Variants in ANKRD12 observed in about 807,000 individuals in gnomAD.
The protein encoded by ANKRD12 is ankyrin repeat domain 12.
Under a neutral mutation model 183.4 loss-of-function variants are expected in ANKRD12, and 85 were observed. That is an observed-to-expected ratio of 0.46 (90% CI 0.39 to 0.56). The LOEUF (loss-of-function observed/expected upper bound fraction) is 0.56, where lower values mean the gene tolerates loss of function less well. ANKRD12 is among the 20% of genes least tolerant of loss of function. The pLI is 0.00. For synonymous variants in ANKRD12, 914 were observed against 800.2 expected, an observed-to-expected ratio of 1.14 and a Z score of -2.40; for missense variants, 2,405 against 2,357.1, an observed-to-expected ratio of 1.02 and a Z score of -0.42.
In ANKRD12 at chr18:9,182,297, CAGAG is replaced by C. The variant is rs1319089757; in HGVS notation, c.-51-81_-51-78del. ...GAGAAAATAAGGTATCTTATGAAAACAGAGAGAAAACAAATTGGACTAATTGTGG... is the reference window on the plus strand; with the variant it reads ...GAGAAAATAAGGTATCTTATGAAAACAGAAAACAAATTGGACTAATTGTGG... On this transcript the variant is annotated intron_variant, in intron 1 of 12. Transcript: ENST00000262126. 58 of 382,072 alleles carry C rather than the reference CAGAG, an allele frequency of 1.5e-4. No individual in the cohort carries two copies. The East Asian group carries it at 1.7e-3, about 11-fold the overall frequency. 23.7% of individuals were successfully genotyped at this position (382,072 alleles called of 1,614,324 possible).
intron 1 of ANKRD12, among the ~76,000 whole-genome samples, chr18:9,177,632 T>C (rs183626044): frequency 3.4e-4 from 52 of 152,224 alleles, no homozygotes; most frequent in Admixed American, 1.2e-3. Context: ...ATATGACCTA[T>C]TGTTGTTAAT....
At chr18:9,228,950 A>T (rs916812618) in intron 8 of ANKRD12, among the ~76,000 whole-genome samples, 2 of 151,424 alleles carry the variant, frequency 1.3e-5, no homozygotes, top group African/African-American at 2.4e-5. Context: ...TGAGTCTCAC[A>T]TTTAAGTCTT....
At chr18:9,148,778 C>T (rs1393443666) in intron 1 of ANKRD12, among the ~76,000 whole-genome samples, 1 of 152,152 alleles carries the variant, frequency 6.6e-6, no homozygotes, top group Non-Finnish European at 1.5e-5. Flanking sequence ...TCCAGAGTTT[C>T]ACCAAGGGCA....
In ANKRD12 at chr18:9,221,833, C is replaced by G. The variant is rs1315880023; in HGVS notation, c.796-19C>G. On this transcript the variant is annotated intron_variant, in intron 7 of 12. Transcript: ENST00000262126. ...CAATCTGTGAAGGGACTAAGTCTTC[C>G]TGCTTTTTATTGTTGCAGATAGTAA... is the stretch of plus-strand genomic sequence containing the variant. 1.2e-5 allele frequency: 19 copies of G among 1,612,746 alleles called. No homozygotes were observed.
chr18:9,275,724 A>G (rs1323899968), intron 11 of ANKRD12, 57 bp downstream of exon 11: 2 of 1,417,152 alleles, frequency 1.4e-6, no homozygotes, highest in Non-Finnish European at 1.9e-6. Flanking sequence ...CAACTTGGCT[A>G]TTTTTAGAAT....
At chr18:9,253,684 A>C (rs1470166474) in intron 8 of ANKRD12, among the ~76,000 whole-genome samples, 1 of 152,024 alleles carries the variant, frequency 6.6e-6, no homozygotes, top group East Asian at 1.9e-4. Context: ...ATTTCCTCTC[A>C]CCCCATTTGA....
intron 3 of ANKRD12, among the ~76,000 whole-genome samples, chr18:9,196,879 T>C (rs951384235): frequency 6.6e-6 from 1 of 152,138 alleles, no homozygotes; most frequent in Non-Finnish European, 1.5e-5. Context: ...TAAGTGATAC[T>C]CTCAAGCTAA....
chr18:9,151,201 G>A (rs929446943), intron 1 of ANKRD12, among the ~76,000 whole-genome samples: 3 of 152,136 alleles, frequency 2.0e-5, no homozygotes, highest in Non-Finnish European at 2.9e-5. Flanking sequence ...TATTTGTTTC[G>A]AGGCTTTTTC....
At chr18:9,177,169 G>T (rs1286190088) in intron 1 of ANKRD12, among the ~76,000 whole-genome samples, 1 of 152,176 alleles carries the variant, frequency 6.6e-6, no homozygotes, top group African/African-American at 2.4e-5. Context: ...AGCCCTTAGG[G>T]CATGGAAATT....
At chr18:9,259,376 TAAC>T (rs767270083) in intron 9 of ANKRD12, 2 of 150,904 alleles carry the variant, frequency 1.3e-5, no homozygotes, top group African/African-American at 2.5e-5. Context: ...TTTACGTGTT[TAAC>T]AACATAAACA....
chr18:9,248,806 A>G (rs183140489), intron 8 of ANKRD12, among the ~76,000 whole-genome samples: 24 of 152,364 alleles, frequency 1.6e-4, no homozygotes, highest in South Asian at 4.1e-4. Context: ...ATCAAATAGC[A>G]TATCTGTGCT....
rs561093828 is a variant in ANKRD12, at chr18:9,203,796, G to C, written c.236-680G>C. 2.0e-5 allele frequency among the ~76,000 whole-genome samples: 3 copies of C among 152,100 alleles called. No individual in the cohort carries two copies. In the South Asian group the frequency reaches 6.2e-4, roughly 32 times the overall value. On this transcript the variant is annotated intron_variant, in intron 3 of 12. Transcript: ENST00000262126. ...ATTTTTGTATTTTTAGTAGGGATGG[G>C]GTTTCATCATGTTGGCCAGACTGGT... is the stretch of plus-strand genomic sequence containing the variant.
chr18:9,232,699 T>C (rs2037120905), intron 8 of ANKRD12, among the ~76,000 whole-genome samples: 1 of 152,204 alleles, frequency 6.6e-6, no homozygotes, highest in Non-Finnish European at 1.5e-5. Context: ...ATAAATAGGT[T>C]TTTCATCCCT....
intron 8 of ANKRD12, among the ~76,000 whole-genome samples, chr18:9,248,693 T>TC (rs2038108616): frequency 6.6e-6 from 1 of 152,218 alleles, no homozygotes; most frequent in Admixed American, 6.5e-5. Context: ...GCAAAAATGT[T>TC]CAACAGCTGA....
At chr18:9,171,047 C>T (rs2032666701) in intron 1 of ANKRD12, among the ~76,000 whole-genome samples, 1 of 152,094 alleles carries the variant, frequency 6.6e-6, no homozygotes, top group Admixed American at 6.6e-5. Context: ...AATGCTGCTG[C>T]CTGATTGTTC....
chr18:9,205,197 T>C (rs899747010), intron 4 of ANKRD12, among the ~76,000 whole-genome samples: 3 of 152,162 alleles, frequency 2.0e-5, no homozygotes, highest in Non-Finnish European at 4.4e-5. Context: ...ATACAAGTAC[T>C]GTGTCCTCTT....
chr18:9,170,432 A>G (rs1162097907), intron 1 of ANKRD12, among the ~76,000 whole-genome samples: 1 of 151,818 alleles, frequency 6.6e-6, no homozygotes, highest in Non-Finnish European at 1.5e-5. Flanking sequence ...TTTTTTCTCT[A>G]AACTTCTTGC....
At chr18:9,231,752 G>A (rs2144873976) in intron 8 of ANKRD12, among the ~76,000 whole-genome samples, 1 of 149,498 alleles carries the variant, frequency 6.7e-6, no homozygotes, top group East Asian at 2.0e-4. Flanking sequence ...ATGAACCTGG[G>A]AGGCGGAGGT....
chr18:9,237,901 C>T (rs2037439549), intron 8 of ANKRD12, among the ~76,000 whole-genome samples: 1 of 152,130 alleles, frequency 6.6e-6, no homozygotes. Flanking sequence ...ACAAAATCTT[C>T]TCCTGCCCTG....
Sources: gnomAD v4.1 joint callset for allele counts (sites outside exome capture counted in the v4.1 genomes callset) on GRCh38, gnomAD v4.1.1 for gene constraint, MANE v1.5 for transcripts, NCBI Gene and HGNC (gene_info 2026-07-23, HGNC 2026-07-21) for gene names.